The following ITGA6 variants were observed in gnomAD, a reference collection of about 807,000 sequenced individuals.
ITGA6 encodes the protein integrin subunit alpha 6, also known as integrin alpha-6.
ITGA6 carries 63 observed loss-of-function variants against 133.6 expected under a neutral mutation model. That is an observed-to-expected ratio of 0.47 (90% confidence interval 0.38 to 0.58). The LOEUF is 0.58. Ranked by LOEUF, ITGA6 falls within the 20% of genes least tolerant of loss-of-function variation. ITGA6 has a pLI of 0.00. For synonymous variants in ITGA6, 434 were observed against 482.0 expected, an observed-to-expected ratio of 0.90 and a Z score of 1.30; for missense variants, 1,068 against 1,309.4, an observed-to-expected ratio of 0.82 and a Z score of 2.85.
chr2:172,461,585 T>A (rs1294723394), intron 1 of ITGA6, among the ~76,000 whole-genome samples: 1 of 152,208 alleles, frequency 6.6e-6, no homozygotes, highest in African/African-American at 2.4e-5. Flanking sequence ...CGTACTGGGA[T>A]GGTCAGTAAT....
Position 172,470,964 on chromosome 2 carries a change from A to G in ITGA6, c.644-10A>G. 2 of 1,613,312 alleles carry G rather than the reference A, an allele frequency of 1.2e-6. No homozygotes were observed. The highest frequency in any genetic ancestry group is 8.5e-7 in the Non-Finnish European group (1 of 1,179,590). On this transcript the variant is annotated splice_polypyrimidine_tract_variant and intron_variant, in intron 4 of 25. Transcript: ENST00000684293. Reference sequence around the variant, plus strand: ...ATTTTTTTGTTGTTTTTACCATTTCATTCCTTTAGGGATTGTTCGTGTAGA... The same window carrying G: ...ATTTTTTTGTTGTTTTTACCATTTCGTTCCTTTAGGGATTGTTCGTGTAGA...
rs764211541 is a variant in ITGA6 at position 172,467,530 on chromosome 2, C to T, written c.357C>T (p.Val119=). ...AAGATCAGTGGATGGGGGTCACCGTCCAGAGCCAAGGTCCAGGGGGCAAGG... is the reference window on the plus strand; with the variant it reads ...AAGATCAGTGGATGGGGGTCACCGTTCAGAGCCAAGGTCCAGGGGGCAAGG... ...SKEDQWMGVT[V]QSQGPGGKVV... Residue 119 remains valine, a synonymous_variant, in exon 3 of 26, where the codon GTC becomes GTT. Coordinates refer to ENST00000684293, the MANE Select transcript of ITGA6 (RefSeq NM_000210.4). 4 of 1,613,810 alleles carry T rather than the reference C, an allele frequency of 2.5e-6. No individual in the cohort carries two copies. The Admixed American group carries it at 5.0e-5, about 20-fold the overall frequency.
chr2:172,479,980 T>C lies in ITGA6; in HGVS notation c.1488-10T>C. ...GATCTTTTAAGAAATATGTGTTTGA[T>C]TTTATTCAGCCTCCAGGTTAAATCC... On this transcript the variant is annotated splice_polypyrimidine_tract_variant and intron_variant, in intron 10 of 25. Transcript: ENST00000684293. 6.3e-7 allele frequency: 1 copy of C among 1,578,884 alleles called. No homozygotes were observed. Among genetic ancestry groups the C allele is most frequent in the South Asian group, 1.1e-5 (1 of 90,320 alleles).
Position 172,491,513 on chromosome 2 carries a change from C to T in ITGA6, c.2978C>T (p.Ala993Val). ...GCCGAAAATATCAGGCTGCCAAATG[C>T]AGGCACTCAGGTGAGAGGTTCCCCA... is the stretch of plus-strand genomic sequence containing the variant. ...AAAENIRLPN[A>V]GTQVRVTVFP... The change falls in exon 23 of 26, where the codon GCA becomes GTA. Residue 993 changes from alanine (A) to valine (V), a missense_variant. Transcript: ENST00000684293. This position sits in a 1 kb window ranked among gnomAD's most constrained non-coding sequence, Gnocchi z 4.4. 6.2e-7 allele frequency: 1 copy of T among 1,609,724 alleles called. No individual in the cohort carries two copies. The highest frequency in any genetic ancestry group is 1.1e-5 in the South Asian group (1 of 90,932).
intron 1 of ITGA6, among the ~76,000 whole-genome samples, chr2:172,462,551 G>C (rs768714650): frequency 6.6e-6 from 1 of 152,216 alleles, no homozygotes; most frequent in Non-Finnish European, 1.5e-5. Flanking sequence ...TCTTCTGCAA[G>C]AGCTTGGTGT....
At chr2:172,464,719 G>A (rs945942773) in intron 1 of ITGA6, 4 of 152,334 alleles carry the variant, frequency 2.6e-5, no homozygotes, top group African/African-American at 9.7e-5. Flanking sequence ...AAAAACACTC[G>A]GCTGGGGAGA....
At chr2:172,458,271 TTCTC>T (rs1370817315) in intron 1 of ITGA6, among the ~76,000 whole-genome samples, 1 of 151,744 alleles carries the variant, frequency 6.6e-6, no homozygotes, top group Non-Finnish European at 1.5e-5. Context: ...GAGACCATCT[TTCTC>T]TATCACTCAG....
chr2:172,484,244 A>G (rs1187714603), intron 11 of ITGA6, among the ~76,000 whole-genome samples: 1 of 152,226 alleles, frequency 6.6e-6, no homozygotes, highest in African/African-American at 2.4e-5. Flanking sequence ...TATAAGAATC[A>G]TCTGGTGATG....
At chr2:172,461,075 G>A (rs1174912323) in intron 1 of ITGA6, among the ~76,000 whole-genome samples, 1 of 152,216 alleles carries the variant, frequency 6.6e-6, no homozygotes, top group African/African-American at 2.4e-5. Context: ...TGGCTTACTT[G>A]AAGAATTTTG....
chr2:172,438,535 T>C (rs1014072723), intron 1 of ITGA6, among the ~76,000 whole-genome samples: 6 of 151,798 alleles, frequency 4.0e-5, no homozygotes, highest in African/African-American at 1.4e-4. Context: ...CCCAGCTCCT[T>C]TACATTCTGT....
At chr2:172,435,852 C>G (rs1295242765) in intron 1 of ITGA6, among the ~76,000 whole-genome samples, 1 of 151,978 alleles carries the variant, frequency 6.6e-6, no homozygotes, top group East Asian at 1.9e-4. Context: ...TGGTCTCGAA[C>G]TCCTGGATTC....
intron 1 of ITGA6, among the ~76,000 whole-genome samples, chr2:172,439,298 C>T (rs1009168325): frequency 2.6e-5 from 4 of 151,852 alleles, no homozygotes; most frequent in Admixed American, 1.3e-4. Flanking sequence ...TAAAAAATGA[C>T]GAATGGCCTT....
chr2:172,487,222 G>C, intron 14 of ITGA6, 42 bp from the exon 15 acceptor site: 1 of 1,566,726 alleles, frequency 6.4e-7, no homozygotes, highest in Non-Finnish European at 8.8e-7. Flanking sequence ...GAAACGTATT[G>C]AGGACTTTGC....
At position 172,465,187 on chromosome 2, in the gene ITGA6, G is replaced by C. The variant is rs144237215; in HGVS notation, c.183-352G>C. 784 of 320,550 alleles carry C rather than the reference G, an allele frequency of 2.4e-3. 8 individuals are homozygous for C. Among genetic ancestry groups the C allele is most frequent in the African/African-American group, 0.015 (714 of 47,276 alleles). 19.9% of individuals were successfully genotyped at this position (320,550 alleles called of 1,614,324 possible). On this transcript the variant is annotated intron_variant, in intron 1 of 25. Coordinates refer to ENST00000684293, the MANE Select transcript of ITGA6 (RefSeq NM_000210.4). The stretch of plus-strand genomic sequence containing the variant: ...TCACAAGTATTTGGTTTCTTCTCTT[G>C]AGTTTCATATGATATCCCTGGCATC...
In ITGA6 at chr2:172,491,437, C is replaced by T; in HGVS notation, c.2902C>T (p.Leu968=). The T allele has an allele frequency of 6.2e-7, 1 of 1,613,206 alleles. No individual in the cohort carries two copies. Among genetic ancestry groups the T allele is most frequent in the South Asian group, 1.1e-5 (1 of 91,070 alleles). ...NSTFLEEYSK[L]NYLDILMRAF... ...TGTCTCCAAACAGGAATATTCCAAA[C>T]TGAACTACTTGGACATTCTCATGCG... is the stretch of plus-strand genomic sequence containing the variant. Residue 968 remains leucine (L), a synonymous_variant, in exon 23 of 26, where the codon CTG becomes TTG. Coordinates refer to ENST00000684293, the MANE Select transcript of ITGA6 (RefSeq NM_000210.4). The surrounding 1 kb of genome is among the most constrained non-coding windows in gnomAD (Gnocchi z 4.4).
Position 172,476,401 on chromosome 2 carries a change from A to G in ITGA6, c.1276A>G (p.Lys426Glu), listed in dbSNP as rs781436857. Reference sequence around the variant, plus strand: ...GATGCCCTGTGTATTTCAGGTTCTCAAGGGTATATCACCTTATTTTGGATA... The same window carrying G: ...GATGCCCTGTGTATTTCAGGTTCTCGAGGGTATATCACCTTATTTTGGATA... ...GINTKPTQVL[K>E]GISPYFGYSI... Residue 426 changes from lysine to glutamate, a missense_variant, in exon 9 of 26, where the codon AAG becomes GAG. Coordinates refer to ENST00000684293, the MANE Select transcript of ITGA6 (RefSeq NM_000210.4). 1.9e-6 allele frequency: 3 copies of G among 1,577,214 alleles called. No individual in the cohort carries two copies. The highest frequency in any genetic ancestry group is 2.2e-5 in the South Asian group (2 of 90,370).
chr2:172,495,081 C>T (rs1345902657), intron 23 of ITGA6, among the ~76,000 whole-genome samples: 1 of 152,150 alleles, frequency 6.6e-6, no homozygotes, highest in Non-Finnish European at 1.5e-5. Context: ...AAAATCCCTT[C>T]ATTGGGTGAC....
intron 11 of ITGA6, among the ~76,000 whole-genome samples, chr2:172,482,037 C>T (rs1686464645): frequency 6.6e-6 from 1 of 152,108 alleles, no homozygotes; most frequent in African/African-American, 2.4e-5. Context: ...GTTCTGATGG[C>T]CATTTTTTCA....
chr2:172,451,135 A>G (rs1233168831), intron 1 of ITGA6, among the ~76,000 whole-genome samples: 1 of 150,760 alleles, frequency 6.6e-6, no homozygotes, highest in African/African-American at 2.4e-5. Context: ...AGCCTGGGTG[A>G]CAGAGTGAGA....
Sources: gnomAD v4.1 joint callset for allele counts (sites outside exome capture counted in the v4.1 genomes callset) on GRCh38, gnomAD v4.1.1 for gene constraint, Gnocchi (gnomAD v3.1) non-coding constraint, MANE v1.5 for transcripts, NCBI Gene and HGNC (gene_info 2026-07-23, HGNC 2026-07-21) for gene names.